Variants in LGSN observed in about 807,000 individuals in gnomAD.
The protein encoded by LGSN is lengsin.
A neutral mutation model predicts 19.5 loss-of-function variants in LGSN; 21 were observed. The observed-to-expected ratio is 1.07, with a 90% CI of 0.76 to 1.55. LGSN has a LOEUF of 1.55. Among genes scored for constraint, LGSN ranks in the 40% most tolerant of loss-of-function variants. LGSN has a pLI of 0.00. For synonymous variants in LGSN, 257 were observed against 215.6 expected, an observed-to-expected ratio of 1.19 and a Z score of -1.68; for missense variants, 673 against 608.5, an observed-to-expected ratio of 1.11 and a Z score of -1.12.
chr6:63,336,786 G>A, the LGSN span, among the ~76,000 whole-genome samples: 8 of 151,034 alleles, frequency 5.3e-5, no homozygotes, highest in South Asian at 2.1e-4. Context: ...GCATTACCAC[G>A]CCCTGCTAAT....
At chr6:63,483,693 G>A in the LGSN span, among the ~76,000 whole-genome samples, 3 of 152,112 alleles carry the variant, frequency 2.0e-5, no homozygotes, top group African/African-American at 4.8e-5. Flanking sequence ...TGTCAGCAGG[G>A]TTGGTTTATT....
the LGSN span, among the ~76,000 whole-genome samples, chr6:63,531,093 C>G: frequency 6.6e-6 from 1 of 152,114 alleles, no homozygotes; most frequent in African/African-American, 2.4e-5. Context: ...AAAGATAGAT[C>G]AGGTTTCAAG....
At chr6:63,393,627 C>T in the LGSN span, among the ~76,000 whole-genome samples, 1 of 152,150 alleles carries the variant, frequency 6.6e-6, no homozygotes, top group Non-Finnish European at 1.5e-5. Context: ...ATTTGTGAGC[C>T]CTATGTAAAT....
At chr6:63,296,544 G>A (rs908841661) in intron 1 of LGSN, among the ~76,000 whole-genome samples, 3 of 151,482 alleles carry the variant, frequency 2.0e-5, no homozygotes, top group African/African-American at 4.8e-5. Context: ...TTTAGAAAAT[G>A]AAATACTTAG....
rs763830560 is a variant in LGSN at position 63,281,020 on chromosome 6, A to G, written c.531T>C (p.Gly177=). The change falls in exon 4 of 4, where the codon GGT becomes GGC. Residue 177 remains glycine (G), a synonymous_variant. Transcript: ENST00000370657. ...ACCTTGGGGAAGTCAAAAGAGGCTC[A>G]CCAGTCACAGTGAAGGTATCACATA... The part of the protein sequence containing the change: ...RVICDTFTVT[G]EPLLTSPRYI... 2 of 1,614,124 alleles carry G rather than the reference A, an allele frequency of 1.2e-6. No individual in the cohort carries two copies. Among genetic ancestry groups the G allele is most frequent in the East Asian group, 4.5e-5 (2 of 44,872 alleles).
At chr6:63,539,850 T>C in the LGSN span, among the ~76,000 whole-genome samples, 1 of 152,124 alleles carries the variant, frequency 6.6e-6, no homozygotes, top group Non-Finnish European at 1.5e-5. Context: ...TGAAGATATG[T>C]TTAAACTTAA....
chr6:63,457,303 G>C, the LGSN span, among the ~76,000 whole-genome samples: 1 of 151,854 alleles, frequency 6.6e-6, no homozygotes, highest in Non-Finnish European at 1.5e-5. Context: ...TCAGGAGTTC[G>C]AGACCAGCCT....
chr6:63,503,340 T>C, the LGSN span, among the ~76,000 whole-genome samples: 1 of 152,338 alleles, frequency 6.6e-6, no homozygotes, highest in East Asian at 1.9e-4. Flanking sequence ...TACTGAAATA[T>C]ATCAGACTTC....
chr6:63,376,609 A>C, the LGSN span, among the ~76,000 whole-genome samples: 5 of 152,168 alleles, frequency 3.3e-5, no homozygotes, highest in Non-Finnish European at 7.3e-5. Flanking sequence ...CACCTATTGC[A>C]TTTCTCTTTA....
At chr6:63,412,741 A>C in the LGSN span, among the ~76,000 whole-genome samples, 92 of 77,546 alleles carry the variant, frequency 1.2e-3, 1 homozygote, top group African/African-American at 6.3e-3. Context: ...GAAAGAAAGA[A>C]AGAAAGAAAG....
the LGSN span, among the ~76,000 whole-genome samples, chr6:63,344,691 C>A: frequency 6.6e-6 from 1 of 151,410 alleles, no homozygotes; most frequent in Admixed American, 6.6e-5. Context: ...AGACAACTGG[C>A]TGAGAGTTTA....
the LGSN span, among the ~76,000 whole-genome samples, chr6:63,415,619 G>A: frequency 2.6e-5 from 4 of 152,160 alleles, no homozygotes; most frequent in Admixed American, 6.5e-5. Flanking sequence ...CCCTTGACTC[G>A]TGGGAATTAT....
the LGSN span, chr6:63,480,131 G>A: frequency 4.8e-6 from 1 of 209,374 alleles, no homozygotes; most frequent in Admixed American, 4.5e-5. Context: ...TGCAGCTGAT[G>A]CCATGGGTTT....
the LGSN span, among the ~76,000 whole-genome samples, chr6:63,461,485 G>A: frequency 6.6e-6 from 1 of 152,182 alleles, no homozygotes; most frequent in Non-Finnish European, 1.5e-5. Context: ...TTCAAACCAA[G>A]CCCTTGCACA....
the LGSN span, among the ~76,000 whole-genome samples, chr6:63,340,322 G>A: frequency 1.3e-5 from 2 of 152,118 alleles, no homozygotes; most frequent in Non-Finnish European, 2.9e-5. Flanking sequence ...GAAGATTTGG[G>A]AAGTTTTCAG....
the LGSN span, among the ~76,000 whole-genome samples, chr6:63,360,997 G>C: frequency 6.6e-6 from 1 of 152,228 alleles, no homozygotes; most frequent in African/African-American, 2.4e-5. Context: ...AAATGTTGCT[G>C]CCTGATCGTT....
chr6:63,277,403 C>T lies in LGSN; in HGVS notation c.*2618G>A, dbSNP rs1432192683. The stretch of plus-strand genomic sequence containing the variant: ...CTAGAAGTGGGAATATTGAGGAAGT[C>T]GTCTTTCACTGGTTCTTATACCTTT... On this transcript the variant is annotated 3_prime_UTR_variant, in exon 4 of 4. Coordinates refer to ENST00000370657, the MANE Select transcript of LGSN (RefSeq NM_016571.3). 1 of 152,128 alleles carries T rather than the reference C, an allele frequency of 6.6e-6. No homozygotes were observed. The highest frequency in any genetic ancestry group is 2.4e-5 in the African/African-American group (1 of 41,440). 9.4% of individuals were successfully genotyped at this position (152,128 alleles called of 1,614,324 possible).
upstream of LGSN, among the ~76,000 whole-genome samples, chr6:63,323,311 G>A (rs920706834): frequency 2.6e-5 from 4 of 152,112 alleles, no homozygotes; most frequent in Non-Finnish European, 4.4e-5. Flanking sequence ...AGTGCATAGT[G>A]GTGAAGTCTT....
chr6:63,411,065 C>T, the LGSN span, among the ~76,000 whole-genome samples: 1 of 152,288 alleles, frequency 6.6e-6, no homozygotes, highest in Middle Eastern at 3.4e-3. Flanking sequence ...AGACACACAA[C>T]TACAGTTCAT....
Sources: allele counts gnomAD v4.1 joint callset (sites outside exome capture counted in the v4.1 genomes callset), GRCh38; gene constraint gnomAD v4.1.1; transcripts MANE v1.5; gene names NCBI Gene and HGNC (gene_info 2026-07-23, HGNC 2026-07-21).